Variants in NAV2 observed in about 807,000 individuals in gnomAD.
The protein encoded by NAV2 is helicase, APC down-regulated 1.
NAV2 carries 54 observed loss-of-function variants against 223.2 expected under a neutral mutation model. That is an observed-to-expected ratio of 0.24 (90% CI 0.19 to 0.30). NAV2 has a LOEUF of 0.30. NAV2 is among the 10% of genes least tolerant of loss of function. The pLI, the probability that NAV2 is intolerant of heterozygous loss-of-function variation, is 1.00. For missense variants in NAV2, 2,806 were observed against 3,147.5 expected (o/e 0.89, Z 2.60); for synonymous variants, 1,279 against 1,239.3 (o/e 1.03, Z -0.67).
intron 1 of NAV2, among the ~76,000 whole-genome samples, chr11:19,563,440 T>C (rs1241677494): frequency 6.6e-6 from 1 of 152,248 alleles, no homozygotes; most frequent in African/African-American, 2.4e-5. Flanking sequence ...GGGACCTTTA[T>C]AGACCAGAGT....
intron 34 of NAV2, 112 bp from the exon 35 acceptor site, chr11:20,105,419 A>C (rs59493132): frequency 0.015 from 12,336 of 823,514 alleles, 593 homozygotes; most frequent in African/African-American, 0.13. Flanking sequence ...AGCTAATCCA[A>C]TTTGTTGCAT....
chr11:19,780,391 T>G (rs1466474111), intron 1 of NAV2, among the ~76,000 whole-genome samples: 5 of 152,240 alleles, frequency 3.3e-5, no homozygotes, highest in African/African-American at 1.2e-4. Context: ...TTCTTTTAAA[T>G]TCTTTGGACT....
At chr11:19,866,117 G>A (rs1298664054) in intron 3 of NAV2, among the ~76,000 whole-genome samples, 1 of 151,338 alleles carries the variant, frequency 6.6e-6, no homozygotes, top group Non-Finnish European at 1.5e-5. Flanking sequence ...TGCTGGCACA[G>A]AGCAGACATC....
At chr11:19,932,637 G>A (rs1051104108) in intron 6 of NAV2, among the ~76,000 whole-genome samples, 2 of 152,222 alleles carry the variant, frequency 1.3e-5, no homozygotes, top group African/African-American at 2.4e-5. Context: ...CTTTTAAAAA[G>A]TGCCAGCATA....
At chr11:19,919,297 G>A (rs2153226864) in intron 6 of NAV2, among the ~76,000 whole-genome samples, 1 of 150,948 alleles carries the variant, frequency 6.6e-6, no homozygotes, top group African/African-American at 2.4e-5. Flanking sequence ...CTATCTCGTA[G>A]CCATGCACGT....
chr11:19,792,424 G>A (rs989985327), intron 1 of NAV2, among the ~76,000 whole-genome samples: 6 of 152,218 alleles, frequency 3.9e-5, no homozygotes, highest in Non-Finnish European at 7.3e-5. Context: ...TCTGCTGCAG[G>A]GGAGAGCACT....
At chr11:19,632,536 A>C (rs2047376088) in intron 1 of NAV2, among the ~76,000 whole-genome samples, 1 of 152,178 alleles carries the variant, frequency 6.6e-6, no homozygotes, top group African/African-American at 2.4e-5. Context: ...TGAGATTATT[A>C]AACTGGCCAA....
At chr11:19,753,367 C>A (rs1762863471) in intron 1 of NAV2, among the ~76,000 whole-genome samples, 1 of 152,112 alleles carries the variant, frequency 6.6e-6, no homozygotes, top group Non-Finnish European at 1.5e-5. Context: ...TCTTACCACC[C>A]CCACCCAAGC....
chr11:19,670,413 A>T (rs2048545757), intron 1 of NAV2, among the ~76,000 whole-genome samples: 2 of 152,198 alleles, frequency 1.3e-5, no homozygotes. Context: ...CTGAGTTTAC[A>T]AACAGTACAG....
chr11:20,015,911 C>T (rs899389893), intron 11 of NAV2, among the ~76,000 whole-genome samples: 9 of 152,172 alleles, frequency 5.9e-5, no homozygotes, highest in African/African-American at 1.9e-4. Flanking sequence ...GCATAGTGAC[C>T]TGGAGGTGTT....
intron 1 of NAV2, among the ~76,000 whole-genome samples, chr11:19,446,618 C>T (rs566994233): frequency 6.6e-6 from 1 of 152,172 alleles, no homozygotes; most frequent in Non-Finnish European, 1.5e-5. Context: ...TTAGGGGATT[C>T]GATAACAAGA....
chr11:19,985,266 C>A (rs1053322602), intron 11 of NAV2, among the ~76,000 whole-genome samples: 7 of 152,290 alleles, frequency 4.6e-5, no homozygotes, highest in African/African-American at 1.7e-4. Flanking sequence ...TGAAATCACA[C>A]CCAGAGATGG....
intron 22 of NAV2, among the ~76,000 whole-genome samples, chr11:20,071,009 G>A (rs2059367582): frequency 6.6e-6 from 1 of 152,018 alleles, no homozygotes; most frequent in African/African-American, 2.4e-5. Flanking sequence ...AGAATGTGCA[G>A]GTTCGTTACG....
chr11:19,347,095 C>T (rs1363196028), upstream of NAV2, among the ~76,000 whole-genome samples: 1 of 152,160 alleles, frequency 6.6e-6, no homozygotes, highest in African/African-American at 2.4e-5. Context: ...GAGAGAGGGA[C>T]AGGAGTGAGG....
At chr11:19,739,613 A>T (rs1167314023) in intron 1 of NAV2, among the ~76,000 whole-genome samples, 2 of 152,268 alleles carry the variant, frequency 1.3e-5, no homozygotes, top group Admixed American at 6.5e-5. Context: ...GAAAATTTTT[A>T]AAAATGATTT....
chr11:19,465,647 G>A (rs1852323904), intron 1 of NAV2, among the ~76,000 whole-genome samples: 2 of 152,176 alleles, frequency 1.3e-5, no homozygotes, highest in South Asian at 4.1e-4. Context: ...TGAACTGTAA[G>A]GATGAAAGAT....
intron 1 of NAV2, among the ~76,000 whole-genome samples, chr11:19,580,423 A>C (rs1263901770): frequency 6.6e-6 from 1 of 152,012 alleles, no homozygotes; most frequent in Non-Finnish European, 1.5e-5. Flanking sequence ...TTTGGACTCT[A>C]TGAAAAGTCC....
intron 1 of NAV2, among the ~76,000 whole-genome samples, chr11:19,580,374 A>G (rs947519531): frequency 2.6e-5 from 4 of 151,624 alleles, no homozygotes; most frequent in Non-Finnish European, 4.4e-5. Flanking sequence ...TATATTTTAC[A>G]GTTATGGGGG....
intron 36 of NAV2, among the ~76,000 whole-genome samples, chr11:20,109,455 A>G (rs1165328035): frequency 1.3e-5 from 2 of 152,188 alleles, no homozygotes; most frequent in Non-Finnish European, 2.9e-5. Context: ...GGATAAATTG[A>G]CCATAATTTA....
Sources: allele counts gnomAD v4.1 joint callset (sites outside exome capture counted in the v4.1 genomes callset), GRCh38; gene constraint gnomAD v4.1.1; transcripts MANE v1.5; gene names NCBI Gene and HGNC (gene_info 2026-07-23, HGNC 2026-07-21).